METTL24: variants seen among roughly 807,000 people sequenced by gnomAD.
METTL24 encodes methyltransferase like 24, also known as probable methyltransferase-like protein 24.
Under a neutral mutation model 32.7 loss-of-function variants are expected in METTL24, and 29 were observed. The ratio of observed to expected loss-of-function variants is 0.89; its 90% CI spans 0.66 to 1.21. The LOEUF (loss-of-function observed/expected upper bound fraction) is 1.21, where lower values mean the gene tolerates loss of function less well. Among genes scored for constraint, METTL24 ranks in the 50% most tolerant of loss-of-function variants. The pLI is 0.00. For missense variants in METTL24, 439 were observed against 468.1 expected (o/e 0.94, Z 0.57); for synonymous variants, 163 against 179.5 (o/e 0.91, Z 0.73).
chr6:110,350,707 C>G (rs1772579169), intron 1 of METTL24, among the ~76,000 whole-genome samples: 1 of 151,152 alleles, frequency 6.6e-6, no homozygotes, highest in African/African-American at 2.4e-5. Flanking sequence ...GGGAGGATCA[C>G]TTGAGCCCAG....
chr6:110,318,502 A>C (rs1424297796), intron 2 of METTL24, among the ~76,000 whole-genome samples: 1 of 151,870 alleles, frequency 6.6e-6, no homozygotes, highest in East Asian at 1.9e-4. Flanking sequence ...AAACATACAA[A>C]AGTTAGCCGG....
intron 4 of METTL24, among the ~76,000 whole-genome samples, chr6:110,273,900 T>C (rs1770998839): frequency 6.6e-6 from 1 of 152,196 alleles, no homozygotes. Context: ...TAGAAGTTAT[T>C]ATATGAAAAA....
rs946122178 is a variant in METTL24 at position 110,244,242 on chromosome 6, G to A, written c.*1704C>T. 1.3e-5 allele frequency among the ~76,000 whole-genome samples: 2 copies of A among 152,150 alleles called. No individual in the cohort carries two copies. The highest frequency in any genetic ancestry group is 4.8e-5 in the African/African-American group (2 of 41,428). ...TTTGACAGCATAGGCAAGTCTGTGG[G>A]TGGTAAATCATGTTTGAAGGCAGAA... is the stretch of plus-strand genomic sequence containing the variant. On this transcript the variant is annotated 3_prime_UTR_variant, in exon 5 of 5. Transcript: ENST00000338882.
chr6:110,268,885 T>G (rs1386358878), intron 4 of METTL24, among the ~76,000 whole-genome samples: 1 of 152,170 alleles, frequency 6.6e-6, no homozygotes, highest in Non-Finnish European at 1.5e-5. Context: ...GGTTCCTCCC[T>G]CTAACTCATC....
intron 1 of METTL24, among the ~76,000 whole-genome samples, chr6:110,334,185 C>A (rs543870454): frequency 1.6e-4 from 24 of 152,280 alleles, no homozygotes; most frequent in Non-Finnish European, 2.8e-4. Context: ...CGGGGGCCCA[C>A]AGGGCTCCCC....
intron 3 of METTL24, among the ~76,000 whole-genome samples, chr6:110,310,540 C>T (rs908954804): frequency 3.3e-5 from 5 of 152,228 alleles, no homozygotes; most frequent in East Asian, 1.9e-4. Flanking sequence ...ACAGCCTCTC[C>T]TTTTTTCTCT....
intron 3 of METTL24, among the ~76,000 whole-genome samples, chr6:110,311,095 C>A (rs1311453858): frequency 6.6e-6 from 1 of 152,084 alleles, no homozygotes; most frequent in East Asian, 1.9e-4. Flanking sequence ...TGCTGGGAAC[C>A]CGGGGCCACC....
chr6:110,295,160 C>A (rs142137437), intron 4 of METTL24, among the ~76,000 whole-genome samples: 98 of 151,814 alleles, frequency 6.5e-4, no homozygotes, highest in African/African-American at 2.0e-3. Flanking sequence ...GTAGCTGGGA[C>A]TACAGGCACA....
chr6:110,298,108 T>G (rs1042112753), intron 4 of METTL24, among the ~76,000 whole-genome samples: 4 of 152,340 alleles, frequency 2.6e-5, no homozygotes, highest in Admixed American at 1.3e-4. Flanking sequence ...TCAGGCACAC[T>G]GTTTCTCAAA....
rs541374394 is a variant in METTL24, at chr6:110,245,396, G to C, written c.*550C>G. Among the ~76,000 whole-genome samples, 22 of 152,144 alleles carry C rather than the reference G, an allele frequency of 1.4e-4. No individual in the cohort carries two copies. The highest frequency in any genetic ancestry group is 2.5e-4 in the Non-Finnish European group (17 of 68,042). On this transcript the variant is annotated 3_prime_UTR_variant, in exon 5 of 5. Transcript: ENST00000338882. The stretch of plus-strand genomic sequence containing the variant: ...CAGTGACAGAATTTGGTGCATCCGA[G>C]TTCCCAGAAATCAGAAGTATTGCTG...
chr6:110,315,288 G>C, intron 3 of METTL24, 54 bp downstream of exon 3: 1 of 1,604,828 alleles, frequency 6.2e-7, no homozygotes, highest in East Asian at 2.2e-5. Flanking sequence ...GAAAAGGTCT[G>C]AGCTGCCTGA....
At chr6:110,295,855 TG>T (rs1487730665) in intron 4 of METTL24, among the ~76,000 whole-genome samples, 1 of 130,500 alleles carries the variant, frequency 7.7e-6, no homozygotes, top group Non-Finnish European at 1.6e-5. Context: ...CTCTATAAAA[TG>T]TACTAAAATT....
chr6:110,304,633 AG>A (rs1215970874), intron 3 of METTL24, among the ~76,000 whole-genome samples: 2 of 152,228 alleles, frequency 1.3e-5, no homozygotes, highest in Admixed American at 6.5e-5. Context: ...GAGAATGAAA[AG>A]GAACGAACAA....
Position 110,344,104 on chromosome 6 carries a change from G to A in METTL24, c.318+13851C>T, listed in dbSNP as rs58990036. 9.8e-3 allele frequency among the ~76,000 whole-genome samples: 1,496 copies of A among 152,252 alleles called. 22 individuals carry two copies. Among genetic ancestry groups the A allele is most frequent in the African/African-American group, 0.033 (1,358 of 41,544 alleles). On this transcript the variant is annotated intron_variant, in intron 1 of 4. Coordinates refer to ENST00000338882, the MANE Select transcript of METTL24 (RefSeq NM_001123364.3). ...ACTGTAATCTGCCCAACAATGCAACGGTTATGTTATAAGGGTGGGTAACGG... is the reference window on the plus strand; with the variant it reads ...ACTGTAATCTGCCCAACAATGCAACAGTTATGTTATAAGGGTGGGTAACGG...
intron 4 of METTL24, among the ~76,000 whole-genome samples, chr6:110,290,355 C>T (rs889104639): frequency 2.0e-5 from 3 of 152,206 alleles, no homozygotes; most frequent in Admixed American, 2.0e-4. Flanking sequence ...ACCACCTGCC[C>T]TAGGCAACCA....
intron 4 of METTL24, among the ~76,000 whole-genome samples, chr6:110,260,376 T>C (rs908324535): frequency 6.6e-6 from 1 of 152,032 alleles, no homozygotes; most frequent in Non-Finnish European, 1.5e-5. Context: ...TGATGGAAGA[T>C]GAAATGAATG....
At chr6:110,300,969 AC>A (rs1293173413) in intron 3 of METTL24, among the ~76,000 whole-genome samples, 1 of 152,158 alleles carries the variant, frequency 6.6e-6, no homozygotes, top group Non-Finnish European at 1.5e-5. Flanking sequence ...CAGATACTAC[AC>A]CATTTTATAT....
intron 4 of METTL24, among the ~76,000 whole-genome samples, chr6:110,266,078 A>T (rs765901380): frequency 3.3e-5 from 5 of 151,616 alleles, no homozygotes; most frequent in Non-Finnish European, 7.4e-5. Context: ...TTTTAAAACA[A>T]TTTTTTTGTA....
At chr6:110,341,134 TA>T (rs1374720556) in intron 1 of METTL24, among the ~76,000 whole-genome samples, 2 of 152,242 alleles carry the variant, frequency 1.3e-5, no homozygotes, top group East Asian at 1.9e-4. Context: ...CCTATGTTTT[TA>T]AAATAACAAA....
Sources: allele counts gnomAD v4.1 joint callset (sites outside exome capture counted in the v4.1 genomes callset), GRCh38; gene constraint gnomAD v4.1.1; transcripts MANE v1.5; gene names NCBI Gene and HGNC (gene_info 2026-07-23, HGNC 2026-07-21).